The following TAS2R1 variants were observed in gnomAD, a reference collection of about 807,000 sequenced individuals.
The protein encoded by TAS2R1 is taste 2 receptor member 1, also known as taste receptor type 2 member 1.
For synonymous variants in TAS2R1, 141 were observed against 134.2 expected (o/e 1.05, Z -0.35); for missense variants, 370 against 353.4 (o/e 1.05, Z -0.38).
At chr5:9,900,832 G>C in the TAS2R1 span, among the ~76,000 whole-genome samples, 151,042 of 152,066 alleles carry the variant, frequency 0.99, 75,022 homozygotes, top group Middle Eastern at 1. Flanking sequence ...ACCGTGTTAG[G>C]CAGGATGGTC....
upstream of TAS2R1, chr5:9,712,995 C>CT: frequency 6.6e-6 from 1 of 152,418 alleles, no homozygotes; most frequent in East Asian, 1.9e-4. Flanking sequence ...ATGCCACCCC[C>CT]TTCCACCAGG....
At chr5:9,640,186 T>C (rs1459233096) in intron 2 of TAS2R1, among the ~76,000 whole-genome samples, 1 of 151,886 alleles carries the variant, frequency 6.6e-6, no homozygotes, top group Non-Finnish European at 1.5e-5. Context: ...AGTCAGGGAA[T>C]AGGGAGGCTC....
At chr5:9,864,078 C>A in the TAS2R1 span, among the ~76,000 whole-genome samples, 3 of 152,198 alleles carry the variant, frequency 2.0e-5, no homozygotes, top group African/African-American at 7.2e-5. Context: ...GCCAACAAAA[C>A]AAAAGAATGG....
At position 9,665,292 on chromosome 5, in the gene TAS2R1, C is replaced by T. The variant is rs114191464; in HGVS notation, c.-241-5711G>A. On this transcript the variant is annotated intron_variant, in intron 1 of 2. Coordinates refer to the TAS2R1 transcript ENST00000506620. ...AGGGCTCCTGCTCCTGCGATAACAT[C>T]GAGGCCATCTGAACAATCCAGGATA... Among the ~76,000 whole-genome samples the T allele has an allele frequency of 1.5e-3, 233 of 152,328 alleles. 2 individuals are homozygous for T. Among genetic ancestry groups the T allele is most frequent in the African/African-American group, 5.2e-3 (218 of 41,568 alleles).
At chr5:9,877,569 T>A in the TAS2R1 span, among the ~76,000 whole-genome samples, 1 of 152,200 alleles carries the variant, frequency 6.6e-6, no homozygotes, top group Non-Finnish European at 1.5e-5. Context: ...CAAGAAGCAA[T>A]CTGTCATCAA....
chr5:9,833,568 C>T, the TAS2R1 span, among the ~76,000 whole-genome samples: 1 of 152,048 alleles, frequency 6.6e-6, no homozygotes, highest in Non-Finnish European at 1.5e-5. Flanking sequence ...TGGGTGACAA[C>T]TTATGTCAGG....
chr5:9,674,703 A>T (rs1173580265), intron 1 of TAS2R1, among the ~76,000 whole-genome samples: 2 of 152,150 alleles, frequency 1.3e-5, no homozygotes, highest in Non-Finnish European at 2.9e-5. Flanking sequence ...TTTCTTAATT[A>T]TACTACTTTC....
the TAS2R1 span, among the ~76,000 whole-genome samples, chr5:9,839,069 C>T: frequency 6.6e-6 from 1 of 152,152 alleles, no homozygotes; most frequent in African/African-American, 2.4e-5. Context: ...CAGCATCGAG[C>T]AGGTCTCTGT....
chr5:9,759,168 A>G, the TAS2R1 span, among the ~76,000 whole-genome samples: 1 of 152,216 alleles, frequency 6.6e-6, no homozygotes, highest in Admixed American at 6.5e-5. Context: ...TTTGATTTTT[A>G]TAATTGTCAA....
chr5:9,897,508 G>C, the TAS2R1 span, among the ~76,000 whole-genome samples: 5 of 152,150 alleles, frequency 3.3e-5, no homozygotes, highest in African/African-American at 1.2e-4. Flanking sequence ...GTGTGTTCAA[G>C]TTAACAATCC....
the TAS2R1 span, among the ~76,000 whole-genome samples, chr5:9,787,522 G>A: frequency 6.6e-6 from 1 of 152,166 alleles, no homozygotes; most frequent in South Asian, 2.1e-4. Context: ...TTGGAAGACT[G>A]AAATGCCTGG....
At chr5:9,863,594 T>C in the TAS2R1 span, among the ~76,000 whole-genome samples, 2 of 152,188 alleles carry the variant, frequency 1.3e-5, no homozygotes, top group African/African-American at 2.4e-5. Context: ...GACCTGAGGC[T>C]GCAGACTTGC....
chr5:9,732,554 T>A, the TAS2R1 span, among the ~76,000 whole-genome samples: 1 of 152,140 alleles, frequency 6.6e-6, no homozygotes, highest in Non-Finnish European at 1.5e-5. Flanking sequence ...GGCCAGGGTG[T>A]CCTTAGGAAT....
At chr5:9,721,600 A>C in the TAS2R1 span, among the ~76,000 whole-genome samples, 1 of 152,306 alleles carries the variant, frequency 6.6e-6, no homozygotes, top group African/African-American at 2.4e-5. Flanking sequence ...ACCTCCTACA[A>C]ATGTGTTACT....
the TAS2R1 span, among the ~76,000 whole-genome samples, chr5:9,830,605 GCACA>G: frequency 0.26 from 39,283 of 149,674 alleles, 6,295 homozygotes; most frequent in Non-Finnish European, 0.37. Flanking sequence ...ACGTGCGCGC[GCACA>G]CACACACACA....
chr5:9,685,388 C>T (rs116700109), intron 1 of TAS2R1, among the ~76,000 whole-genome samples: 1 of 151,796 alleles, frequency 6.6e-6, no homozygotes, highest in African/African-American at 2.4e-5. Context: ...TTTTGGAGAG[C>T]TATAGATGTA....
intron 2 of TAS2R1, among the ~76,000 whole-genome samples, chr5:9,652,696 C>A (rs1350222065): frequency 1.3e-5 from 2 of 152,074 alleles, no homozygotes; most frequent in African/African-American, 4.8e-5. Flanking sequence ...ATAAAATGAA[C>A]TTTAATGGTT....
chr5:9,876,522 G>T, the TAS2R1 span, among the ~76,000 whole-genome samples: 1 of 152,214 alleles, frequency 6.6e-6, no homozygotes, highest in Non-Finnish European at 1.5e-5. Context: ...TAATCCTAAA[G>T]CAAAATCTGT....
At chr5:9,821,651 C>T in the TAS2R1 span, among the ~76,000 whole-genome samples, 478 of 152,274 alleles carry the variant, frequency 3.1e-3, 2 homozygotes, top group African/African-American at 0.011. Context: ...TGAAAGGATA[C>T]ATGAGAAATT....
Sources: gnomAD v4.1 joint callset for allele counts (sites outside exome capture counted in the v4.1 genomes callset) on GRCh38, gnomAD v4.1.1 for gene constraint, MANE v1.5 for transcripts, NCBI Gene and HGNC (gene_info 2026-07-23, HGNC 2026-07-21) for gene names.